Variants in PUS7L observed in about 807,000 individuals in gnomAD.
PUS7L encodes the protein pseudouridine synthase 7 like.
PUS7L carries 49 observed loss-of-function variants against 51.1 expected under a neutral mutation model. The ratio of observed to expected loss-of-function variants is 0.96; its 90% CI spans 0.76 to 1.22. PUS7L has a LOEUF of 1.22. PUS7L is among the 50% of genes most tolerant of loss of function. PUS7L has a pLI of 0.00. For missense variants in PUS7L, 828 were observed against 820.6 expected (o/e 1.01, Z -0.11); for synonymous variants, 277 against 276.2 (o/e 1.00, Z -0.03).
chr12:43,735,081 C>T (rs887805636), intron 7 of PUS7L, among the ~76,000 whole-genome samples: 6 of 151,908 alleles, frequency 3.9e-5, no homozygotes, highest in African/African-American at 9.7e-5. Flanking sequence ...TTTGGGAGGC[C>T]GAGGCGGGTG....
Position 43,738,344 on chromosome 12 carries a change from A to G in PUS7L, c.1410T>C (p.Pro470=). 6.3e-7 allele frequency: 1 copy of G among 1,596,856 alleles called. No individual in the cohort carries two copies. The highest frequency in any genetic ancestry group is 8.6e-7 in the Non-Finnish European group (1 of 1,164,954). ...GAAAATACTTCTTTGCTCTATTTAC[A>G]GGATCATCCAAGTCTTCTGGTGTAA... ...LFLTPEDLDD[P]VNRAKKYFLQ... The change falls in exon 6 of 9, where the codon CCT becomes CCC. Residue 470 remains proline (P), a synonymous_variant. Coordinates refer to ENST00000344862, the MANE Select transcript of PUS7L (RefSeq NM_031292.5).
In PUS7L at chr12:43,720,117, A is replaced by C. The variant is rs913573346; in HGVS notation, c.*10259T>G. On this transcript the variant is annotated 3_prime_UTR_variant, in exon 9 of 9. Coordinates refer to ENST00000344862, the MANE Select transcript of PUS7L (RefSeq NM_031292.5). ...CTACATGCTGCTTTAAGTGCATCCC[A>C]CAAGTTTTGATGTGTAGTATGGTTT... 6.6e-6 allele frequency: 1 copy of C among 152,206 alleles called. No individual in the cohort carries two copies. The highest frequency in any genetic ancestry group is 2.4e-5 in the African/African-American group (1 of 41,454). 9.4% of individuals were successfully genotyped at this position (152,206 alleles called of 1,614,324 possible).
At chr12:43,751,579 T>C (rs1041259576) in intron 2 of PUS7L, among the ~76,000 whole-genome samples, 13 of 152,204 alleles carry the variant, frequency 8.5e-5, no homozygotes, top group Admixed American at 8.5e-4. Context: ...TGCCACATTT[T>C]CTTAATCCAG....
At chr12:43,748,634 C>G in intron 2 of PUS7L, 25 bp from the exon 3 acceptor site, 1 of 1,553,822 alleles carries the variant, frequency 6.4e-7, no homozygotes, top group Non-Finnish European at 8.6e-7. Context: ...AAACTTAGAT[C>G]ACAAAAAAAG....
chr12:43,735,863 G>A (rs149518348), intron 7 of PUS7L, among the ~76,000 whole-genome samples: 2,237 of 152,018 alleles, frequency 0.015, 21 homozygotes, highest in Non-Finnish European at 0.022. Context: ...TGTGACCTCC[G>A]CCTCCCAGGT....
chr12:43,743,460 G>C (rs1052530161), intron 4 of PUS7L, among the ~76,000 whole-genome samples: 1 of 152,296 alleles, frequency 6.6e-6, no homozygotes, highest in Non-Finnish European at 1.5e-5. Context: ...TTTATCTCAT[G>C]TCATTTAAAA....
Position 43,719,554 on chromosome 12 carries a change from T to C in PUS7L, c.*10822A>G, listed in dbSNP as rs1649834203. ...AAGTTTGTGTAGACTTGAATTATTA[T>C]TTTTTTGAATGTCTAGTAGAACCAA... On this transcript the variant is annotated 3_prime_UTR_variant, in exon 9 of 9. Coordinates refer to ENST00000344862, the MANE Select transcript of PUS7L (RefSeq NM_031292.5). 1 of 152,102 alleles carries C rather than the reference T, an allele frequency of 6.6e-6. No individual in the cohort carries two copies. The highest frequency in any genetic ancestry group is 6.5e-5 in the Admixed American group (1 of 15,272). The allele number at this position is 152,102 out of a possible 1,614,324, so 9.4% of individuals were successfully genotyped here.
Position 43,746,184 on chromosome 12 carries a change from A to C in PUS7L, c.1125T>G (p.Ile375Met), listed in dbSNP as rs1396501794. The C allele has an allele frequency of 6.6e-7, 1 of 1,506,352 alleles. No homozygotes were observed. The highest frequency in any genetic ancestry group is 1.8e-5 in the Admixed American group (1 of 54,470). The allele number at this position is 1,506,352 out of a possible 1,614,324, so 93.3% of individuals were successfully genotyped here. The change falls in exon 4 of 9, where the codon ATT becomes ATG. Residue 375 changes from isoleucine (I) to methionine (M), a missense_variant. Transcript: ENST00000344862. ...GTCTCAGGGAATCATCTACAGACCG[A>C]ATATTAAAGACATTCATTCTTTTCT... ...IEKKRMNVFNIRSVDDSLRLG... is the reference protein window; with the variant it reads ...IEKKRMNVFNMRSVDDSLRLG...
At chr12:43,744,568 G>A (rs1938074904) in intron 4 of PUS7L, among the ~76,000 whole-genome samples, 1 of 152,054 alleles carries the variant, frequency 6.6e-6, no homozygotes, top group Non-Finnish European at 1.5e-5. Context: ...CCCAGTCTCG[G>A]GTATTTCTTC....
chr12:43,746,820 C>T (rs759638553), intron 3 of PUS7L, among the ~76,000 whole-genome samples: 6 of 152,134 alleles, frequency 3.9e-5, no homozygotes, highest in Admixed American at 1.3e-4. Context: ...GTTTACTGCC[C>T]GCAAATGTAT....
intron 8 of PUS7L, 115 bp downstream of exon 8, chr12:43,731,590 C>T (rs938477213): frequency 1.7e-6 from 1 of 591,410 alleles, no homozygotes; most frequent in African/African-American, 1.9e-5. Flanking sequence ...ATAAATTATA[C>T]CTTAATTTAA....
At chr12:43,746,895 A>G (rs1938198782) in intron 3 of PUS7L, among the ~76,000 whole-genome samples, 1 of 152,206 alleles carries the variant, frequency 6.6e-6, no homozygotes, top group Non-Finnish European at 1.5e-5. Flanking sequence ...TTCCAGACTC[A>G]TAAGCTAAAT....
intron 4 of PUS7L, among the ~76,000 whole-genome samples, chr12:43,742,863 TTCCAA>T (rs1673013285): frequency 6.6e-6 from 1 of 152,218 alleles, no homozygotes; most frequent in African/African-American, 2.4e-5. Context: ...AGTTCTGGGC[TTCCAA>T]AATGAGTTGA....
At chr12:43,743,538 C>T (rs964196756) in intron 4 of PUS7L, among the ~76,000 whole-genome samples, 12 of 152,162 alleles carry the variant, frequency 7.9e-5, no homozygotes, top group Admixed American at 3.9e-4. Context: ...CCAAGGCCGG[C>T]GGATCACGAG....
intron 5 of PUS7L, among the ~76,000 whole-genome samples, chr12:43,740,160 T>A (rs191865123): frequency 5.1e-4 from 77 of 152,294 alleles, no homozygotes; most frequent in Non-Finnish European, 1.0e-3. Context: ...GTTCCTTTTT[T>A]AAAAAATAAT....
chr12:43,736,436 C>A lies in PUS7L; in HGVS notation c.1670G>T (p.Gly557Val). 6.2e-7 allele frequency: 1 copy of A among 1,614,160 alleles called. No homozygotes were observed. Residue 557 changes from glycine to valine, a missense_variant, in exon 7 of 9, where the codon GGT (glycine) becomes GTT (valine). Transcript: ENST00000344862. ...GTCTTCATCCAAACAGACCAAATCA[C>A]CCTGCACTACTCTTGCTCCATAGGT... Reference protein sequence around the residue: ...LETYGARVVQGDLVCLDEDID... With the variant: ...LETYGARVVQVDLVCLDEDID...
At chr12:43,733,501 T>C (rs1944609191) in intron 7 of PUS7L, among the ~76,000 whole-genome samples, 1 of 152,182 alleles carries the variant, frequency 6.6e-6, no homozygotes, top group Non-Finnish European at 1.5e-5. Context: ...TTTTCTCTTC[T>C]CCTATAGCTC....
intron 6 of PUS7L, 165 bp downstream of exon 6, chr12:43,738,145 C>T (rs961065619): frequency 2.8e-5 from 15 of 530,732 alleles, no homozygotes; most frequent in Non-Finnish European, 4.3e-5. Context: ...TGACCAAAAA[C>T]GAAGTGAGTG....
Position 43,724,306 on chromosome 12 carries a change from A to G in PUS7L, c.*6070T>C, listed in dbSNP as rs544522624. 6.6e-6 allele frequency: 1 copy of G among 151,938 alleles called. No individual in the cohort carries two copies. Among genetic ancestry groups the G allele is most frequent in the African/African-American group, 2.4e-5 (1 of 41,508 alleles). 9.4% of individuals were successfully genotyped at this position (151,938 alleles called of 1,614,324 possible). A position where few individuals can be genotyped will look rare whatever the true frequency, so the allele number is the denominator to read the frequency against. ...TGTTTCTACTACTACAAAAAAAAAA[A>G]CCTCTAAAAATATGAATTGTAATTA... is the stretch of plus-strand genomic sequence containing the variant. On this transcript the variant is annotated 3_prime_UTR_variant, in exon 9 of 9. Coordinates refer to ENST00000344862, the MANE Select transcript of PUS7L (RefSeq NM_031292.5).
Sources: allele counts gnomAD v4.1 joint callset (sites outside exome capture counted in the v4.1 genomes callset), GRCh38; gene constraint gnomAD v4.1.1; transcripts MANE v1.5; gene names NCBI Gene and HGNC (gene_info 2026-07-23, HGNC 2026-07-21).